XRCC2: variants seen among roughly 807,000 people sequenced by gnomAD.
The protein encoded by XRCC2 is X-ray repair cross complementing 2.
Under a neutral mutation model 27.3 loss-of-function variants are expected in XRCC2, and 24 were observed. That is an observed-to-expected ratio of 0.88 (90% CI 0.64 to 1.24). The LOEUF (loss-of-function observed/expected upper bound fraction) is 1.24. Ranked by LOEUF, XRCC2 falls within the 50% of genes most tolerant of loss-of-function variation. The probability of loss-of-function intolerance (pLI) is 0.00; values close to 1 mark genes in which losing one functional copy is unlikely to be tolerated. For synonymous variants in XRCC2, 106 were observed against 115.4 expected (o/e 0.92, Z 0.52); for missense variants, 321 against 325.8 (o/e 0.99, Z 0.11).
chr7:152,670,605 C>CT (rs112650028), intron 1 of XRCC2, among the ~76,000 whole-genome samples: 176 of 146,646 alleles, frequency 1.2e-3, no homozygotes, highest in Middle Eastern at 3.5e-3. Context: ...ATTATATAGG[C>CT]TTTTTTTTTT....
chr7:152,650,880 C>T (rs1056457355), intron 2 of XRCC2, among the ~76,000 whole-genome samples: 1 of 152,102 alleles, frequency 6.6e-6, no homozygotes, highest in South Asian at 2.1e-4. Flanking sequence ...GAGCGAAACT[C>T]CGTCTCAAAA....
intron 1 of XRCC2, among the ~76,000 whole-genome samples, chr7:152,665,182 T>G (rs1355434004): frequency 6.6e-6 from 1 of 152,178 alleles, no homozygotes; most frequent in Non-Finnish European, 1.5e-5. Context: ...CCCTTCCAAG[T>G]GAACGTTACT....
rs2098025695 is a variant in XRCC2 at position 152,646,052 on chromosome 7, CTG to C, written c.*2588_*2589del. The C allele has an allele frequency of 6.6e-6, 1 of 152,188 alleles. No individual in the cohort carries two copies. The highest frequency in any genetic ancestry group is 2.1e-4 in the South Asian group (1 of 4,822). 9.4% of individuals were successfully genotyped at this position (152,188 alleles called of 1,614,324 possible). A position where few individuals can be genotyped will look rare whatever the true frequency, so the allele number is the denominator to read the frequency against. On this transcript the variant is annotated 3_prime_UTR_variant, in exon 3 of 3. Transcript: ENST00000359321. Reference sequence around the variant, plus strand: ...ACACCATCTCCTCTGTGCTTTGGATCTGTCCTGCTGTATTCGGTTCTTTTAAA... The same window carrying C: ...ACACCATCTCCTCTGTGCTTTGGATCTCCTGCTGTATTCGGTTCTTTTAAA...
intron 2 of XRCC2, among the ~76,000 whole-genome samples, chr7:152,659,968 C>T (rs936627131): frequency 1.1e-4 from 17 of 152,116 alleles, no homozygotes; most frequent in African/African-American, 3.4e-4. Context: ...GAATGAACTA[C>T]TGATACGTGT....
chr7:152,662,843 G>C (rs1406372108), intron 1 of XRCC2, among the ~76,000 whole-genome samples: 5 of 152,006 alleles, frequency 3.3e-5, no homozygotes, highest in Non-Finnish European at 5.9e-5. Context: ...AAAGTGCTGG[G>C]ATTACAGGCG....
chr7:152,656,578 G>C (rs3218493), intron 2 of XRCC2, among the ~76,000 whole-genome samples: 9,146 of 147,996 alleles, frequency 0.062, 572 homozygotes, highest in Admixed American at 0.2. Context: ...ACAGCTATAG[G>C]ATCTTCAGTA....
chr7:152,665,487 C>CTTTTTTTTTTTTTTTTTTT lies in XRCC2; in HGVS notation c.40-4724_40-4706dup, dbSNP rs66692067. On this transcript the variant is annotated intron_variant, in intron 1 of 2. Transcript: ENST00000359321. ...ATTTCACTCCAACTGTAAGACAAAC[C>CTTTTTTTTTTTTTTTTTTT]TTTTTTTTTTTTTTTTTTTTTTTAG... Among the ~76,000 whole-genome samples the CTTTTTTTTTTTTTTTTTTT allele has an allele frequency of 3.6e-5, 3 of 84,338 alleles. 1 individual carries two copies. The highest frequency in any genetic ancestry group is 2.2e-5 in the Non-Finnish European group (1 of 45,542). 55.3% of individuals were successfully genotyped at this position (84,338 alleles called of 152,430 possible). A position where few individuals can be genotyped will look rare whatever the true frequency, so the allele number is the denominator to read the frequency against.
chr7:152,665,476 G>A (rs944481148), intron 1 of XRCC2, among the ~76,000 whole-genome samples: 2 of 132,178 alleles, frequency 1.5e-5, no homozygotes, highest in Non-Finnish European at 3.1e-5. Context: ...CACTCCAACT[G>A]TAAGACAAAC....
intron 1 of XRCC2, among the ~76,000 whole-genome samples, chr7:152,666,809 G>A (rs1263540857): frequency 6.6e-6 from 1 of 151,094 alleles, no homozygotes; most frequent in East Asian, 2.0e-4. Context: ...GTAGAGATGG[G>A]GTTTCGCCAT....
intron 2 of XRCC2, 107 bp from the exon 3 acceptor site, chr7:152,649,470 GA>G: frequency 7.3e-7 from 1 of 1,366,556 alleles, no homozygotes; most frequent in Non-Finnish European, 9.7e-7. Flanking sequence ...GAATGTGAAA[GA>G]AAATCTAAAT....
At chr7:152,657,580 G>A (rs540393896) in intron 2 of XRCC2, among the ~76,000 whole-genome samples, 1 of 152,064 alleles carries the variant, frequency 6.6e-6, no homozygotes, top group African/African-American at 2.4e-5. Context: ...GTGAGCCACC[G>A]CACCTGGCCA....
At chr7:152,672,129 T>A (rs1485087190) in intron 1 of XRCC2, among the ~76,000 whole-genome samples, 1 of 152,136 alleles carries the variant, frequency 6.6e-6, no homozygotes, top group African/African-American at 2.4e-5. Flanking sequence ...TGAGTGGAAG[T>A]AGACAGTTGG....
chr7:152,664,449 C>A (rs1000336890), intron 1 of XRCC2, among the ~76,000 whole-genome samples: 7 of 152,140 alleles, frequency 4.6e-5, no homozygotes, highest in Non-Finnish European at 7.3e-5. Context: ...TGCAGACGGG[C>A]ATCCTCCAAT....
At chr7:152,672,361 C>T (rs900477408) in intron 1 of XRCC2, among the ~76,000 whole-genome samples, 2 of 152,268 alleles carry the variant, frequency 1.3e-5, no homozygotes, top group Non-Finnish European at 2.9e-5. Flanking sequence ...TAATATTTGC[C>T]TCTAGCAAAG....
At chr7:152,655,029 G>T (rs750153017) in intron 2 of XRCC2, among the ~76,000 whole-genome samples, 17 of 152,108 alleles carry the variant, frequency 1.1e-4, no homozygotes, top group Non-Finnish European at 1.9e-4. Context: ...TGAAGTCACC[G>T]TCTCATATGT....
chr7:152,658,243 C>T (rs550789702), intron 2 of XRCC2, among the ~76,000 whole-genome samples: 7 of 152,168 alleles, frequency 4.6e-5, no homozygotes, highest in African/African-American at 1.4e-4. Flanking sequence ...GAATCCCTCC[C>T]GGGTTCATGC....
At position 152,674,728 on chromosome 7, in the gene XRCC2, A is replaced by G. The variant is rs867793984; in HGVS notation, c.39+1313T>C. ...ATTTATATAATATATTTTTAAATATATATTATATATAAATATATTTTTAAA... is the reference window on the plus strand; with the variant it reads ...ATTTATATAATATATTTTTAAATATGTATTATATATAAATATATTTTTAAA... On this transcript the variant is annotated intron_variant, in intron 1 of 2. Transcript: ENST00000359321. Among the ~76,000 whole-genome samples the G allele has an allele frequency of 1.2e-4, 13 of 104,420 alleles. 2 individuals are homozygous for G. The highest frequency in any genetic ancestry group is 3.3e-4 in the Admixed American group (3 of 9,120). 68.5% of individuals were successfully genotyped at this position (104,420 alleles called of 152,430 possible).
intron 1 of XRCC2, among the ~76,000 whole-genome samples, chr7:152,673,101 T>C (rs1023869189): frequency 3.3e-5 from 5 of 152,198 alleles, no homozygotes; most frequent in Non-Finnish European, 7.4e-5. Flanking sequence ...CAAATGCTTG[T>C]CTTTTTTAAA....
At chr7:152,662,565 A>ATTTTTTTTTTTTTT (rs11323323) in intron 1 of XRCC2, among the ~76,000 whole-genome samples, 3 of 67,770 alleles carry the variant, frequency 4.4e-5, no homozygotes, top group African/African-American at 5.4e-5. Flanking sequence ...TTTTATTTGC[A>ATTTTTTTTTTTTTT]TTTTTTTTTT....
Sources: gnomAD v4.1 joint callset for allele counts (sites outside exome capture counted in the v4.1 genomes callset) on GRCh38, gnomAD v4.1.1 for gene constraint, MANE v1.5 for transcripts, NCBI Gene and HGNC (gene_info 2026-07-23, HGNC 2026-07-21) for gene names.